The following ATRNL1 variants were observed in gnomAD, a reference collection of about 807,000 sequenced individuals.
ATRNL1 encodes attractin-like protein 1.
In ATRNL1, 95 loss-of-function variants were observed where a neutral mutation model predicts 182.7. The ratio of observed to expected loss-of-function variants is 0.52; its 90% CI spans 0.44 to 0.62. ATRNL1 has a LOEUF of 0.62. Among genes scored for constraint, ATRNL1 ranks in the 20% least tolerant of loss-of-function variants. The pLI is 0.00. For synonymous variants in ATRNL1, 576 were observed against 568.3 expected (o/e 1.01, Z -0.19); for missense variants, 1,471 against 1,679.5 (o/e 0.88, Z 2.17).
At chr10:115,199,210 C>A (rs990000071) in intron 8 of ATRNL1, among the ~76,000 whole-genome samples, 1 of 151,816 alleles carries the variant, frequency 6.6e-6, no homozygotes, top group East Asian at 1.9e-4. Context: ...TTGTACAGAT[C>A]TTTCACCTCA....
intron 28 of ATRNL1, among the ~76,000 whole-genome samples, chr10:115,903,552 C>CT (rs1387096302): frequency 6.6e-6 from 1 of 152,204 alleles, no homozygotes; most frequent in Non-Finnish European, 1.5e-5. Context: ...TTACCTGGAA[C>CT]TTTCTTTGGA....
chr10:115,769,920 T>C (rs191963222), intron 27 of ATRNL1, among the ~76,000 whole-genome samples: 76 of 152,300 alleles, frequency 5.0e-4, no homozygotes, highest in African/African-American at 1.6e-3. Context: ...CTTTGAACAA[T>C]GTGGAAGGGT....
At chr10:115,741,548 G>A (rs1017850024) in intron 27 of ATRNL1, among the ~76,000 whole-genome samples, 1 of 152,100 alleles carries the variant, frequency 6.6e-6, no homozygotes, top group Non-Finnish European at 1.5e-5. Flanking sequence ...CACACAGAAG[G>A]TTTTTGAGAA....
chr10:115,511,488 A>C (rs554270926), intron 24 of ATRNL1, among the ~76,000 whole-genome samples: 1 of 152,000 alleles, frequency 6.6e-6, no homozygotes, highest in East Asian at 1.9e-4. Context: ...TAATTTTAGC[A>C]CATTCTTTTA....
chr10:115,474,187 T>A lies in ATRNL1; in HGVS notation c.3654+4858T>A, dbSNP rs116016554. 8.0e-3 allele frequency among the ~76,000 whole-genome samples: 1,206 copies of A among 151,482 alleles called. 25 individuals carry two copies. The highest frequency in any genetic ancestry group is 0.028 in the African/African-American group (1,159 of 41,460). On this transcript the variant is annotated intron_variant, in intron 24 of 28. Coordinates refer to ENST00000355044, the MANE Select transcript of ATRNL1 (RefSeq NM_207303.4). ...AGTTCTTCAGCTTTTGTTTGTCAGC[T>A]TTTATGTCTCCTTCATTTCTGAAGG...
At chr10:115,716,844 C>T (rs1375931510) in intron 26 of ATRNL1, among the ~76,000 whole-genome samples, 1 of 152,180 alleles carries the variant, frequency 6.6e-6, no homozygotes, top group South Asian at 2.1e-4. Context: ...GAGAGCAGGA[C>T]AGGTATTTCT....
intron 28 of ATRNL1, among the ~76,000 whole-genome samples, chr10:115,883,971 CT>C (rs782575119): frequency 3.3e-5 from 5 of 152,188 alleles, no homozygotes; most frequent in Non-Finnish European, 7.3e-5. Flanking sequence ...GGGACAGAAC[CT>C]AATGATTGAT....
chr10:115,700,968 C>G (rs1946716735), intron 26 of ATRNL1, among the ~76,000 whole-genome samples: 2 of 152,012 alleles, frequency 1.3e-5, no homozygotes, highest in African/African-American at 2.4e-5. Flanking sequence ...TAAAAGATAT[C>G]TATAGAAAAC....
chr10:115,581,331 T>C (rs144136961), intron 26 of ATRNL1, among the ~76,000 whole-genome samples: 2 of 152,054 alleles, frequency 1.3e-5, no homozygotes, highest in Admixed American at 6.6e-5. Context: ...TTGAGATGCA[T>C]CTGGAAAATT....
At chr10:115,879,895 A>G (rs1951788875) in intron 28 of ATRNL1, among the ~76,000 whole-genome samples, 2 of 152,178 alleles carry the variant, frequency 1.3e-5, no homozygotes, top group Non-Finnish European at 2.9e-5. Flanking sequence ...AAAGAATAGT[A>G]TGCAGAAGCC....
chr10:115,380,300 T>C (rs1242922620), intron 19 of ATRNL1, among the ~76,000 whole-genome samples: 1 of 152,190 alleles, frequency 6.6e-6, no homozygotes, highest in Admixed American at 6.5e-5. Context: ...AGAAACTTAG[T>C]GTTCTACAGT....
chr10:115,756,177 C>G (rs930491390), intron 27 of ATRNL1, among the ~76,000 whole-genome samples: 1 of 151,944 alleles, frequency 6.6e-6, no homozygotes, highest in Non-Finnish European at 1.5e-5. Context: ...TTCAGTTCTG[C>G]TCTGATCTTA....
At chr10:115,661,675 A>G (rs1860693117) in intron 26 of ATRNL1, among the ~76,000 whole-genome samples, 1 of 152,170 alleles carries the variant, frequency 6.6e-6, no homozygotes, top group African/African-American at 2.4e-5. Flanking sequence ...ATTTTCTGTC[A>G]TACTAAAATT....
intron 24 of ATRNL1, among the ~76,000 whole-genome samples, chr10:115,477,379 A>G (rs1848583129): frequency 6.6e-6 from 1 of 151,598 alleles, no homozygotes; most frequent in African/African-American, 2.4e-5. Flanking sequence ...GTTTTCAGTC[A>G]TGTGCATTAG....
intron 19 of ATRNL1, among the ~76,000 whole-genome samples, chr10:115,346,546 A>G (rs1389184133): frequency 6.6e-6 from 1 of 152,092 alleles, no homozygotes; most frequent in African/African-American, 2.4e-5. Context: ...TATTTTATCT[A>G]TCTATTTATT....
chr10:115,195,627 G>A (rs575208469), intron 8 of ATRNL1, among the ~76,000 whole-genome samples: 2 of 152,068 alleles, frequency 1.3e-5, no homozygotes, highest in East Asian at 1.9e-4. Context: ...GTATCTGTTG[G>A]TGTTTTATAA....
intron 10 of ATRNL1, among the ~76,000 whole-genome samples, chr10:115,260,438 C>G (rs1478863694): frequency 6.6e-6 from 1 of 152,318 alleles, no homozygotes; most frequent in East Asian, 1.9e-4. Flanking sequence ...ATTTGGAGGT[C>G]TCTAACTGAA....
intron 9 of ATRNL1, among the ~76,000 whole-genome samples, chr10:115,226,145 A>G (rs1390514582): frequency 6.6e-6 from 1 of 151,918 alleles, no homozygotes; most frequent in Non-Finnish European, 1.5e-5. Flanking sequence ...AATCTATGAC[A>G]AAGGTGGAAC....
chr10:115,642,613 A>G (rs568117622), intron 26 of ATRNL1, among the ~76,000 whole-genome samples: 3 of 151,812 alleles, frequency 2.0e-5, no homozygotes, highest in East Asian at 3.9e-4. Flanking sequence ...CAGGCTAATT[A>G]TTTGTATTTT....
Sources: allele counts gnomAD v4.1 joint callset (sites outside exome capture counted in the v4.1 genomes callset), GRCh38; gene constraint gnomAD v4.1.1; transcripts MANE v1.5; gene names NCBI Gene and HGNC (gene_info 2026-07-23, HGNC 2026-07-21).